Variants in PIK3C2A observed in about 807,000 individuals in gnomAD.
PIK3C2A encodes the protein phosphatidylinositol 4-phosphate 3-kinase C2 domain-containing subunit alpha.
Under a neutral mutation model 204.5 loss-of-function variants are expected in PIK3C2A, and 97 were observed. The ratio of observed to expected loss-of-function variants is 0.47; its 90% CI spans 0.40 to 0.56. The LOEUF is 0.56. Among genes scored for constraint, PIK3C2A ranks in the 20% least tolerant of loss-of-function variants. PIK3C2A has a pLI of 0.00. For synonymous variants in PIK3C2A, 653 were observed against 664.4 expected, an observed-to-expected ratio of 0.98 and a Z score of 0.26; for missense variants, 1,735 against 1,969.2, an observed-to-expected ratio of 0.88 and a Z score of 2.25.
chr11:17,093,565 T>C (rs1482173099), intron 28 of PIK3C2A, among the ~76,000 whole-genome samples: 2 of 150,630 alleles, frequency 1.3e-5, no homozygotes, highest in African/African-American at 4.9e-5. Flanking sequence ...CGCCCGGCCA[T>C]GCTTCAGTTT....
chr11:17,119,099 C>T, intron 17 of PIK3C2A, 121 bp downstream of exon 17: 2 of 640,680 alleles, frequency 3.1e-6, no homozygotes. Flanking sequence ...AATGCAATGC[C>T]CCTCAATGTT....
chr11:17,197,300 A>G (rs1477590554), intron 1 of PIK3C2A, among the ~76,000 whole-genome samples: 1 of 152,132 alleles, frequency 6.6e-6, no homozygotes, highest in Non-Finnish European at 1.5e-5. Flanking sequence ...GACTACAGGC[A>G]TGAGCCACCG....
intron 22 of PIK3C2A, among the ~76,000 whole-genome samples, chr11:17,107,386 G>A (rs1312783598): frequency 6.6e-6 from 1 of 152,034 alleles, no homozygotes; most frequent in Admixed American, 6.6e-5. Flanking sequence ...AACAATGAGG[G>A]AGGAATTATG....
In PIK3C2A at chr11:17,118,686, G is replaced by C. The variant is rs866342278; in HGVS notation, c.2994C>G (p.Ser998=). Residue 998 remains serine, a synonymous_variant, in exon 18 of 33, where the codon TCC becomes TCG. Coordinates refer to ENST00000691414, the MANE Select transcript of PIK3C2A (RefSeq NM_002645.4). The part of the protein sequence containing the change: ...LNSSLVQFLL[S]RALGNIQIAH... ...CTATCTGGATATTTCCCAATGCCCTGGACAAAAGGAATTGCACTAATGAAC... is the reference window on the plus strand; with the variant it reads ...CTATCTGGATATTTCCCAATGCCCTCGACAAAAGGAATTGCACTAATGAAC... 1.3e-6 allele frequency: 2 copies of C among 1,565,146 alleles called. No homozygotes were observed. Among genetic ancestry groups the C allele is most frequent in the Non-Finnish European group, 1.8e-6 (2 of 1,138,046 alleles).
At chr11:17,148,304 C>A (rs1850313457) in intron 5 of PIK3C2A, 1 of 160,240 alleles carries the variant, frequency 6.2e-6, no homozygotes, top group Non-Finnish European at 1.4e-5. Flanking sequence ...CAGCTGACTA[C>A]TGTGCATAAA....
At chr11:17,172,669 C>T (rs185836036) in intron 1 of PIK3C2A, among the ~76,000 whole-genome samples, 51 of 152,346 alleles carry the variant, frequency 3.3e-4, no homozygotes, top group African/African-American at 1.2e-3. Context: ...CACCTTCCTT[C>T]ACTTATCCTC....
At chr11:17,195,768 G>A (rs560650735) in intron 1 of PIK3C2A, among the ~76,000 whole-genome samples, 30 of 143,686 alleles carry the variant, frequency 2.1e-4, no homozygotes, top group Non-Finnish European at 3.3e-4. Flanking sequence ...AGCCCCGCGC[G>A]CTGGCTCACG....
At chr11:17,160,807 G>A (rs1344434067) in intron 2 of PIK3C2A, among the ~76,000 whole-genome samples, 2 of 152,084 alleles carry the variant, frequency 1.3e-5, no homozygotes, top group African/African-American at 4.8e-5. Context: ...CTGGATGACA[G>A]AGCAAGACCC....
At chr11:17,182,551 G>A (rs1047872160) in intron 1 of PIK3C2A, among the ~76,000 whole-genome samples, 2 of 114,640 alleles carry the variant, frequency 1.7e-5, no homozygotes, top group African/African-American at 3.7e-5. Flanking sequence ...CTGGACGACA[G>A]AACAAGACCC....
At chr11:17,156,322 A>T (rs1850587584) in intron 2 of PIK3C2A, among the ~76,000 whole-genome samples, 1 of 152,236 alleles carries the variant, frequency 6.6e-6, no homozygotes, top group South Asian at 2.1e-4. Context: ...AAATTCAGTG[A>T]GAACAAAGTG....
At chr11:17,188,209 A>ACTCAT (rs1247220427) in intron 1 of PIK3C2A, among the ~76,000 whole-genome samples, 1 of 147,250 alleles carries the variant, frequency 6.8e-6, no homozygotes, top group African/African-American at 2.7e-5. Flanking sequence ...ATGGTGGTGC[A>ACTCAT]TGCCTGTAAT....
intron 1 of PIK3C2A, among the ~76,000 whole-genome samples, chr11:17,200,872 T>C (rs1411282167): frequency 1.3e-5 from 2 of 152,230 alleles, no homozygotes; most frequent in Admixed American, 6.5e-5. Context: ...CACAGAATTC[T>C]AGCCTGATAA....
At chr11:17,146,151 T>C (rs1336771979) in intron 6 of PIK3C2A, among the ~76,000 whole-genome samples, 1 of 152,158 alleles carries the variant, frequency 6.6e-6, no homozygotes, top group Non-Finnish European at 1.5e-5. Context: ...GTTTGTTAAA[T>C]GGAAAACATA....
At chr11:17,138,975 T>C (rs1217697037) in intron 8 of PIK3C2A, among the ~76,000 whole-genome samples, 5 of 152,108 alleles carry the variant, frequency 3.3e-5, no homozygotes, top group Non-Finnish European at 7.4e-5. Flanking sequence ...TGGCGCGATC[T>C]TGGCTCACTG....
intron 21 of PIK3C2A, among the ~76,000 whole-genome samples, chr11:17,112,230 T>C (rs1849025950): frequency 6.6e-6 from 1 of 152,104 alleles, no homozygotes; most frequent in Non-Finnish European, 1.5e-5. Flanking sequence ...GGTGGGTGGA[T>C]CACCTGAGGT....
chr11:17,181,567 C>T (rs539180649), intron 1 of PIK3C2A, among the ~76,000 whole-genome samples: 24 of 146,438 alleles, frequency 1.6e-4, no homozygotes, highest in South Asian at 4.4e-4. Flanking sequence ...AGGAGTTCAA[C>T]ACCAACCTGG....
chr11:17,120,208 T>C (rs1849327040), intron 15 of PIK3C2A, among the ~76,000 whole-genome samples: 1 of 151,954 alleles, frequency 6.6e-6, no homozygotes, highest in Non-Finnish European at 1.5e-5. Flanking sequence ...GTTAGGAAAA[T>C]GAAGGATAAT....
chr11:17,152,693 G>C (rs528346311), intron 3 of PIK3C2A, among the ~76,000 whole-genome samples: 1 of 152,058 alleles, frequency 6.6e-6, no homozygotes, highest in Non-Finnish European at 1.5e-5. Flanking sequence ...ATTTAGTGTG[G>C]CTCTACAGTT....
At chr11:17,160,976 A>G (rs1850754576) in intron 2 of PIK3C2A, among the ~76,000 whole-genome samples, 1 of 152,236 alleles carries the variant, frequency 6.6e-6, no homozygotes, top group Admixed American at 6.5e-5. Context: ...ATGTGAGGTG[A>G]GCAGTTCACA....
Sources: allele counts gnomAD v4.1 joint callset (sites outside exome capture counted in the v4.1 genomes callset), GRCh38; gene constraint gnomAD v4.1.1; transcripts MANE v1.5; gene names NCBI Gene and HGNC (gene_info 2026-07-23, HGNC 2026-07-21).